SEPTIN9: variants seen among roughly 807,000 people sequenced by gnomAD.
SEPTIN9 encodes septin-9.
In SEPTIN9, 13 loss-of-function variants were observed where a neutral mutation model predicts 56.6. That is an observed-to-expected ratio of 0.23 (90% CI 0.15 to 0.37). SEPTIN9 has a LOEUF of 0.37. SEPTIN9 is among the 10% of genes least tolerant of loss of function. SEPTIN9 has a pLI of 1.00. For synonymous variants in SEPTIN9, 332 were observed against 334.1 expected (o/e 0.99, Z 0.07); for missense variants, 650 against 823.1 (o/e 0.79, Z 2.57).
intron 2 of SEPTIN9, among the ~76,000 whole-genome samples, chr17:77,366,923 A>G (rs2034588313): frequency 1.3e-5 from 2 of 152,354 alleles, no homozygotes; most frequent in East Asian, 3.9e-4. Flanking sequence ...TTGTTTAAAA[A>G]GTCCCCTGCC....
In SEPTIN9 at chr17:77,434,997, TGTCCG is replaced by T; in HGVS notation, c.721+32295_721+32299del. On this transcript the variant is annotated intron_variant, in intron 3 of 11. Transcript: ENST00000427177. This position sits in a 1 kb window ranked among gnomAD's most constrained non-coding sequence, Gnocchi z 5.0. ...CTGGCAACCGTGGCAGGAGTGGTGA[TGTCCG>T]ATGATGGTAACAAGGGCTTCCTGAG... is the stretch of plus-strand genomic sequence containing the variant. Among the ~76,000 whole-genome samples the T allele has an allele frequency of 6.6e-6, 1 of 152,144 alleles. No individual in the cohort carries two copies. Among genetic ancestry groups the T allele is most frequent in the African/African-American group, 2.4e-5 (1 of 41,420 alleles).
intron 2 of SEPTIN9, among the ~76,000 whole-genome samples, chr17:77,388,797 CT>C (rs1377748095): frequency 2.8e-5 from 4 of 140,634 alleles, no homozygotes; most frequent in Non-Finnish European, 6.0e-5. Flanking sequence ...CAAGTGGCCC[CT>C]GGTGTTAGGC....
chr17:77,447,930 C>G (rs1467373363), intron 3 of SEPTIN9, among the ~76,000 whole-genome samples: 1 of 152,206 alleles, frequency 6.6e-6, no homozygotes, highest in Admixed American at 6.5e-5. Context: ...TGGCCACATT[C>G]ATTTCTTAGG....
Position 77,475,928 on chromosome 17 carries a change from G to C in SEPTIN9, c.722-6216G>C, listed in dbSNP as rs765779077. The C allele has an allele frequency of 6.3e-7, 1 of 1,594,288 alleles. No homozygotes were observed. Among genetic ancestry groups the C allele is most frequent in the South Asian group, 1.1e-5 (1 of 88,710 alleles). On this transcript the variant is annotated intron_variant, in intron 3 of 11. Coordinates refer to ENST00000427177, the MANE Select transcript of SEPTIN9 (RefSeq NM_001113491.2). The surrounding 1 kb of genome is among the most constrained non-coding windows in gnomAD (Gnocchi z 4.6). Reference sequence around the variant, plus strand: ...GGTGTGTGGGGATGTGGCCATTTCGGTCCGTGCTCTGAGAGCCAGGTGTGG... The same window carrying C: ...GGTGTGTGGGGATGTGGCCATTTCGCTCCGTGCTCTGAGAGCCAGGTGTGG...
intron 3 of SEPTIN9, among the ~76,000 whole-genome samples, chr17:77,408,452 C>A (rs533169299): frequency 6.4e-4 from 98 of 152,276 alleles, no homozygotes; most frequent in African/African-American, 2.2e-3. Context: ...TCAGGCCCCC[C>A]CGAGCTGATG....
chr17:77,287,051 C>T (rs1180660161), intron 1 of SEPTIN9, among the ~76,000 whole-genome samples: 3 of 152,252 alleles, frequency 2.0e-5, no homozygotes, highest in Non-Finnish European at 4.4e-5. Flanking sequence ...CAGCACACAG[C>T]GCTGTGGCCC....
At chr17:77,350,525 T>G (rs1228504624) in intron 2 of SEPTIN9, among the ~76,000 whole-genome samples, 2 of 152,174 alleles carry the variant, frequency 1.3e-5, no homozygotes, top group Non-Finnish European at 2.9e-5. Context: ...CGCAGACTTC[T>G]GCACGTGTTC....
Position 77,437,395 on chromosome 17 carries a change from G to A in SEPTIN9, c.721+34692G>A, listed in dbSNP as rs2037380995. 6.6e-6 allele frequency among the ~76,000 whole-genome samples: 1 copy of A among 152,094 alleles called. No individual in the cohort carries two copies. Among genetic ancestry groups the A allele is most frequent in the Non-Finnish European group, 1.5e-5 (1 of 68,006 alleles). ...TATGGGGAAGCCGGAATGGACCTGG[G>A]CTCAGAGATTGTAAATTCATCTTGC... On this transcript the variant is annotated intron_variant, in intron 3 of 11. Transcript: ENST00000427177. The surrounding 1 kb of genome is among the most constrained non-coding windows in gnomAD (Gnocchi z 5.3).
At chr17:77,342,835 G>C (rs1322564744) in intron 2 of SEPTIN9, among the ~76,000 whole-genome samples, 1 of 152,076 alleles carries the variant, frequency 6.6e-6, no homozygotes, top group Non-Finnish European at 1.5e-5. Context: ...TTATCCTGGC[G>C]TGGCGGTGTG....
intron 2 of SEPTIN9, among the ~76,000 whole-genome samples, chr17:77,351,542 C>T (rs763619360): frequency 7.2e-5 from 11 of 152,208 alleles, no homozygotes; most frequent in African/African-American, 2.7e-4. Context: ...GGCGGCCACA[C>T]TCAAGGTTAG....
intron 2 of SEPTIN9, among the ~76,000 whole-genome samples, chr17:77,354,457 T>C (rs960870378): frequency 4.6e-5 from 7 of 152,180 alleles, no homozygotes; most frequent in African/African-American, 1.7e-4. Flanking sequence ...CTCATCTCCC[T>C]GGTATGACCT....
At chr17:77,430,215 C>G (rs2037074922) in intron 3 of SEPTIN9, among the ~76,000 whole-genome samples, 1 of 152,168 alleles carries the variant, frequency 6.6e-6, no homozygotes. Flanking sequence ...CCAGCTCCAT[C>G]CCCAGCTTTC....
intron 10 of SEPTIN9, 23 bp downstream of exon 10, chr17:77,493,099 C>T: frequency 1.1e-5 from 17 of 1,518,170 alleles, no homozygotes; most frequent in Non-Finnish European, 1.3e-5. Context: ...GGCGCCGGGG[C>T]TCCAGACAGA....
rs890028987 is a variant in SEPTIN9 at position 77,434,486 on chromosome 17, G to A, written c.721+31783G>A. Among the ~76,000 whole-genome samples the A allele has an allele frequency of 6.6e-6, 1 of 152,204 alleles. No individual in the cohort carries two copies. The highest frequency in any genetic ancestry group is 2.4e-5 in the African/African-American group (1 of 41,432). ...ATGAGCCCGTACTGCCTCTGAGTCT[G>A]CAGCCTGTTTTCCTTACCAGGTGGC... On this transcript the variant is annotated intron_variant, in intron 3 of 11. Coordinates refer to ENST00000427177, the MANE Select transcript of SEPTIN9 (RefSeq NM_001113491.2). This position sits in a 1 kb window ranked among gnomAD's most constrained non-coding sequence, Gnocchi z 5.0.
chr17:77,484,960 G>GAT (rs2039665604), intron 4 of SEPTIN9, among the ~76,000 whole-genome samples: 1 of 80,146 alleles, frequency 1.2e-5, no homozygotes, highest in Non-Finnish European at 2.6e-5. Context: ...TGGTGATTGT[G>GAT]GTGGTGAAGG....
At chr17:77,482,552 TC>T (rs1238587872) in intron 4 of SEPTIN9, 1 of 701,338 alleles carries the variant, frequency 1.4e-6, no homozygotes, top group African/African-American at 1.8e-5. Flanking sequence ...GTCCTGCACA[TC>T]CAGGGCCCCT....
intron 3 of SEPTIN9, among the ~76,000 whole-genome samples, chr17:77,452,854 G>A (rs1269718596): frequency 6.7e-6 from 1 of 150,364 alleles, no homozygotes; most frequent in Non-Finnish European, 1.5e-5. Flanking sequence ...AAAGGAAGAA[G>A]GTGTTTGCTT....
At position 77,443,531 on chromosome 17, in the gene SEPTIN9, G is replaced by A. The variant is rs765512579; in HGVS notation, c.722-38613G>A. The stretch of plus-strand genomic sequence containing the variant: ...TGTTGGGCTGGGTGCAGTGACTCAC[G>A]CCTATAATCCCAGCACTTTGAGAGG... On this transcript the variant is annotated intron_variant, in intron 3 of 11. Coordinates refer to ENST00000427177, the MANE Select transcript of SEPTIN9 (RefSeq NM_001113491.2). Among the ~76,000 whole-genome samples, 65 of 152,248 alleles carry A rather than the reference G, an allele frequency of 4.3e-4. No homozygotes were observed. In the Middle Eastern group the frequency reaches 0.014, roughly 32 times the overall value.
Position 77,341,937 on chromosome 17 carries a change from G to A in SEPTIN9, c.76+34740G>A, listed in dbSNP as rs1202170615. Among the ~76,000 whole-genome samples, 5 of 151,604 alleles carry A rather than the reference G, an allele frequency of 3.3e-5. 1 individual carries two copies. The East Asian group carries it at 9.7e-4, about 29-fold the overall frequency. ...CTCTACTAAAGATACGAAAAAAATA[G>A]CCGGGCGTGGTGGTGGGTGCCTGTA... On this transcript the variant is annotated intron_variant, in intron 2 of 11. Coordinates refer to ENST00000427177, the MANE Select transcript of SEPTIN9 (RefSeq NM_001113491.2).
Sources: allele counts gnomAD v4.1 joint callset (sites outside exome capture counted in the v4.1 genomes callset), GRCh38; gene constraint gnomAD v4.1.1; non-coding constraint Gnocchi (gnomAD v3.1); transcripts MANE v1.5; gene names NCBI Gene and HGNC (gene_info 2026-07-23, HGNC 2026-07-21).